ZNF208: variants seen among roughly 807,000 people sequenced by gnomAD.
ZNF208 encodes the protein zinc finger protein 95.
Under a neutral mutation model 12.1 loss-of-function variants are expected in ZNF208, and 10 were observed. That is an observed-to-expected ratio of 0.83 (90% CI 0.51 to 1.40). ZNF208 has a LOEUF of 1.40. ZNF208 is among the 40% of genes most tolerant of loss of function. ZNF208 has a pLI of 0.00. For synonymous variants in ZNF208, 497 were observed against 488.4 expected (o/e 1.02, Z -0.23); for missense variants, 1,652 against 1,485.0 (o/e 1.11, Z -1.85).
At chr19:22,008,556 T>A (rs112850703) in intron 1 of ZNF208, among the ~76,000 whole-genome samples, 4,054 of 151,716 alleles carry the variant, frequency 0.027, 124 homozygotes, top group African/African-American at 0.072. Flanking sequence ...GGGTCAGTTT[T>A]TTTTTTTGTC....
intron 4 of ZNF208, among the ~76,000 whole-genome samples, chr19:21,959,073 G>A (rs1156944772): frequency 2.0e-5 from 3 of 151,516 alleles, no homozygotes; most frequent in African/African-American, 4.9e-5. Context: ...CAGAGACTCA[G>A]TCTCATGATT....
At position 21,971,139 on chromosome 19, in the gene ZNF208, G is replaced by C; in HGVS notation, c.*52C>G. 1 of 1,612,894 alleles carries C rather than the reference G, an allele frequency of 6.2e-7. No individual in the cohort carries two copies. Among genetic ancestry groups the C allele is most frequent in the East Asian group, 2.2e-5 (1 of 44,816 alleles). ...TTCTCTCCAGTATGAATTTTCTTAT[G>C]ATAACTAAGGGTTGAGGGCCACTTA... is the stretch of plus-strand genomic sequence containing the variant. On this transcript the variant is annotated 3_prime_UTR_variant, in exon 4 of 4. Coordinates refer to ENST00000397126, the MANE Select transcript of ZNF208 (RefSeq NM_007153.3).
chr19:21,987,062 C>A, intron 3 of ZNF208, 154 bp downstream of exon 3: 1 of 687,928 alleles, frequency 1.5e-6, no homozygotes. Flanking sequence ...CCGAAGATGC[C>A]CCTGTGTGAG....
chr19:21,979,111 G>A lies in ZNF208; in HGVS notation c.227-4304C>T, dbSNP rs115279951. Among the ~76,000 whole-genome samples the A allele has an allele frequency of 5.7e-3, 870 of 152,250 alleles. 1 individual carries two copies. The highest frequency in any genetic ancestry group is 0.019 in the African/African-American group (809 of 41,532). ...CCAAATCTACATTTAATTCGGGTAC[G>A]TGAAAGTGACAGGGAGAATGGAACC... On this transcript the variant is annotated intron_variant, in intron 3 of 3. Transcript: ENST00000397126.
In ZNF208 at chr19:21,977,359, G is replaced by T. The variant is rs7253840; in HGVS notation, c.227-2552C>A. Among the ~76,000 whole-genome samples, 1,353 of 152,300 alleles carry T rather than the reference G, an allele frequency of 8.9e-3. 22 individuals are homozygous for T. The highest frequency in any genetic ancestry group is 0.031 in the African/African-American group (1,305 of 41,568). On this transcript the variant is annotated intron_variant, in intron 3 of 3. Coordinates refer to ENST00000397126, the MANE Select transcript of ZNF208 (RefSeq NM_007153.3). ...GACACAGAAGGTGGGTGATTTCTGCGTTTCCAACTGAGGTACTGGTTTCAT... is the reference window on the plus strand; with the variant it reads ...GACACAGAAGGTGGGTGATTTCTGCTTTTCCAACTGAGGTACTGGTTTCAT...
At chr19:21,977,671 T>C (rs1213805342) in intron 3 of ZNF208, among the ~76,000 whole-genome samples, 3 of 152,112 alleles carry the variant, frequency 2.0e-5, no homozygotes, top group African/African-American at 7.2e-5. Context: ...GACACCAAAC[T>C]AGCTGCAGGA....
chr19:21,970,659 G>A lies in ZNF208; in HGVS notation c.*532C>T. On this transcript the variant is annotated 3_prime_UTR_variant, in exon 4 of 4. Transcript: ENST00000397126. ...TATGTTCCATAAGGTTTGAGGACTG[G>A]TTGAAGCCTTTGCCACATTCTTCTC... 3.8e-6 allele frequency: 4 copies of A among 1,043,740 alleles called. No homozygotes were observed. Among genetic ancestry groups the A allele is most frequent in the Non-Finnish European group, 5.9e-6 (4 of 679,668 alleles). 64.7% of individuals were successfully genotyped at this position (1,043,740 alleles called of 1,614,324 possible). A position where few individuals can be genotyped will look rare whatever the true frequency, so the allele number is the denominator to read the frequency against.
chr19:21,983,667 C>T (rs1217587738), intron 3 of ZNF208, among the ~76,000 whole-genome samples: 1 of 151,862 alleles, frequency 6.6e-6, no homozygotes, highest in East Asian at 1.9e-4. Flanking sequence ...GAATACTAGG[C>T]AGCCATAAAA....
intron 4 of ZNF208, among the ~76,000 whole-genome samples, chr19:21,958,900 C>A (rs746668576): frequency 3.3e-5 from 5 of 151,956 alleles, no homozygotes; most frequent in African/African-American, 7.3e-5. Context: ...AGCCCCTAAC[C>A]CACGAGTCAG....
At chr19:22,001,675 A>G (rs1970949283) in intron 1 of ZNF208, among the ~76,000 whole-genome samples, 1 of 151,992 alleles carries the variant, frequency 6.6e-6, no homozygotes, top group Non-Finnish European at 1.5e-5. Flanking sequence ...CAATTTCCTG[A>G]GGTCAGGAGT....
Position 21,972,955 on chromosome 19 carries a change from G to A in ZNF208, c.2079C>T (p.Tyr693=), listed in dbSNP as rs7258849. The A allele has an allele frequency of 0.14, 219,604 of 1,599,830 alleles. 8,820 individuals carry two copies. Among genetic ancestry groups the A allele is most frequent in the Admixed American group, 0.22 (12,461 of 57,298 alleles). ...HKVIHTGEKP[Y]KCEECGKAFN... is the part of the protein sequence containing the mutation. ...AAGCTTTGCCACATTCTTCACATTT[G>A]TAGGGTTTCTCTCCAGTATGAATTA... Residue 693 remains tyrosine, a synonymous_variant, in exon 4 of 4, where the codon TAC becomes TAT. Coordinates refer to ENST00000397126, the MANE Select transcript of ZNF208 (RefSeq NM_007153.3).
intron 4 of ZNF208, chr19:21,939,964 C>T (rs1050486184): frequency 1.3e-5 from 2 of 152,080 alleles, no homozygotes; most frequent in African/African-American, 2.4e-5. Context: ...AGATTGGATC[C>T]TTGCAAAGCA....
Position 21,972,076 on chromosome 19 carries a change from T to TGA in ZNF208, c.2956_2957dup (p.Ile987GlnfsTer8), listed in dbSNP as rs1403255248. ...GAATTACCTTATGTTTAGTAAGGAT[T>TGA]GAGAATGTACTAAAGCCTTTGCCAC... On this transcript the variant is annotated frameshift_variant, in exon 4 of 4. Coordinates refer to ENST00000397126, the MANE Select transcript of ZNF208 (RefSeq NM_007153.3). LOFTEE classifies it low-confidence loss of function (END_TRUNC). 1.2e-6 allele frequency: 2 copies of TGA among 1,612,238 alleles called. No homozygotes were observed. Among genetic ancestry groups the TGA allele is most frequent in the East Asian group, 4.5e-5 (2 of 44,728 alleles).
In ZNF208 at chr19:21,974,537, C is replaced by T. The variant is rs1970389533; in HGVS notation, c.497G>A (p.Arg166Lys). 1.9e-6 allele frequency: 3 copies of T among 1,613,542 alleles called. No individual in the cohort carries two copies. Among genetic ancestry groups the T allele is most frequent in the Admixed American group, 3.3e-5 (2 of 59,962 alleles). The change falls in exon 4 of 4, where the codon AGG (arginine) becomes AAG (lysine). Residue 166 changes from arginine to lysine, a missense_variant. By Grantham distance (26) the Arg-to-Lys change is conservative. Transcript: ENST00000397126. ...TTGCAAATGTTTCTTTCCAGTATGC[C>T]TTATCTTATGTCTGTTTGAATTTGA... Reference protein sequence around the residue: ...KCSNSNRHKIRHTGKKHLQCK... With the variant: ...KCSNSNRHKIKHTGKKHLQCK...
chr19:21,955,473 C>T (rs10409703), intron 4 of ZNF208, among the ~76,000 whole-genome samples: 84,770 of 152,030 alleles, frequency 0.56, 23,898 homozygotes, highest in East Asian at 0.69. Context: ...ACCAATCAGA[C>T]GTAGATTTGG....
intron 1 of ZNF208, among the ~76,000 whole-genome samples, chr19:21,994,069 G>A (rs1241850858): frequency 2.0e-5 from 3 of 152,094 alleles, no homozygotes; most frequent in Non-Finnish European, 2.9e-5. Context: ...CTGTTTAACT[G>A]TCATTGATTT....
chr19:21,947,996 C>G (rs181394042), intron 4 of ZNF208, among the ~76,000 whole-genome samples: 1 of 151,984 alleles, frequency 6.6e-6, no homozygotes, highest in Non-Finnish European at 1.5e-5. Context: ...AGGTCATGCT[C>G]GCATCCATGG....
intron 3 of ZNF208, among the ~76,000 whole-genome samples, chr19:21,979,049 AC>A (rs1162854457): frequency 3.3e-5 from 5 of 152,210 alleles, no homozygotes; most frequent in African/African-American, 7.2e-5. Flanking sequence ...AAAGAAATGA[AC>A]AAAGCCTCCA....
At chr19:21,959,539 A>AGT (rs1970030524) in intron 4 of ZNF208, among the ~76,000 whole-genome samples, 2 of 152,238 alleles carry the variant, frequency 1.3e-5, no homozygotes, top group African/African-American at 4.8e-5. Flanking sequence ...ACACTGGAGA[A>AGT]GACCAGCTCA....
Sources: allele counts gnomAD v4.1 joint callset (sites outside exome capture counted in the v4.1 genomes callset), GRCh38; gene constraint gnomAD v4.1.1; transcripts MANE v1.5; gene names NCBI Gene and HGNC (gene_info 2026-07-23, HGNC 2026-07-21).